CUBN: variants seen among roughly 807,000 people sequenced by gnomAD.
CUBN encodes the protein cubilin.
Under a neutral mutation model 405.3 loss-of-function variants are expected in CUBN, and 282 were observed. The ratio of observed to expected loss-of-function variants is 0.70; its 90% confidence interval spans 0.63 to 0.77. The LOEUF is 0.77. CUBN is among the 30% of genes least tolerant of loss of function. CUBN has a pLI of 0.00. For synonymous variants in CUBN, 1,684 were observed against 1,617.0 expected (o/e 1.04, Z -0.99); for missense variants, 4,514 against 4,475.2 (o/e 1.01, Z -0.25).
chr10:16,915,533 C>T (rs867918438), intron 46 of CUBN, among the ~76,000 whole-genome samples: 2 of 152,254 alleles, frequency 1.3e-5, no homozygotes, highest in African/African-American at 2.4e-5. Context: ...CCTCAAATAA[C>T]GGCATGTGGC....
intron 19 of CUBN, among the ~76,000 whole-genome samples, chr10:17,070,562 A>C (rs1835717837): frequency 6.6e-6 from 1 of 152,154 alleles, no homozygotes; most frequent in Admixed American, 6.5e-5. Flanking sequence ...ATAGTCTCAG[A>C]GGACAAGTTT....
intron 28 of CUBN, among the ~76,000 whole-genome samples, chr10:17,016,352 T>G (rs1206354012): frequency 2.0e-5 from 3 of 152,222 alleles, no homozygotes; most frequent in African/African-American, 4.8e-5. Flanking sequence ...GAAGGCTTTT[T>G]GACCAGTAGA....
At chr10:16,963,694 A>C (rs1337860889) in intron 31 of CUBN, among the ~76,000 whole-genome samples, 1 of 152,232 alleles carries the variant, frequency 6.6e-6, no homozygotes, top group African/African-American at 2.4e-5. Flanking sequence ...CTTGTGGTGC[A>C]TATATAAAAT....
intron 54 of CUBN, among the ~76,000 whole-genome samples, chr10:16,894,993 T>C (rs1005095233): frequency 2.0e-5 from 3 of 152,158 alleles, no homozygotes; most frequent in African/African-American, 4.8e-5. Context: ...GAATGGACGA[T>C]TGAGGGAGAC....
At chr10:17,021,559 TGTGA>T (rs1211259482) in intron 27 of CUBN, among the ~76,000 whole-genome samples, 7 of 152,232 alleles carry the variant, frequency 4.6e-5, no homozygotes, top group African/African-American at 1.7e-4. Context: ...TAAGAGTATG[TGTGA>T]GTGTCTGTGT....
At chr10:16,916,727 A>G (rs530138520) in intron 45 of CUBN, among the ~76,000 whole-genome samples, 1 of 152,272 alleles carries the variant, frequency 6.6e-6, no homozygotes, top group South Asian at 2.1e-4. Flanking sequence ...TGACCATATT[A>G]TAGTGAATCT....
rs1842953268 is a variant in CUBN, at chr10:16,952,750, G to A, written c.4856-361C>T. Among the ~76,000 whole-genome samples the A allele has an allele frequency of 2.0e-5, 3 of 152,206 alleles. No homozygotes were observed. In the South Asian group the frequency reaches 6.2e-4, roughly 32 times the overall value. ...CTTATAAATGACCTCTTTTTTTCAG[G>A]AAAATAAATACTCAATTGAATAAGG... On this transcript the variant is annotated intron_variant, in intron 32 of 66. Transcript: ENST00000377833.
chr10:16,874,582 C>T, intron 57 of CUBN, 79 bp from the exon 58 acceptor site: 1 of 1,546,348 alleles, frequency 6.5e-7, no homozygotes, highest in South Asian at 1.1e-5. Context: ...AGATTCTATA[C>T]TATTGTACAT....
chr10:17,109,907 A>C (rs935225043), intron 9 of CUBN, among the ~76,000 whole-genome samples, 172 bp from the exon 10 acceptor site: 1 of 152,224 alleles, frequency 6.6e-6, no homozygotes, highest in Non-Finnish European at 1.5e-5. Flanking sequence ...AATAAGAAAA[A>C]TAACAAGAAT....
chr10:17,025,988 T>C lies in CUBN; in HGVS notation c.4018-6005A>G, dbSNP rs375715824. Reference sequence around the variant, plus strand: ...CCACGGTGAGGTGGATAGAGTCCACTGGCAAGCAAAGTGGCTCTCATGCTA... The same window carrying C: ...CCACGGTGAGGTGGATAGAGTCCACCGGCAAGCAAAGTGGCTCTCATGCTA... On this transcript the variant is annotated intron_variant, in intron 27 of 66. Coordinates refer to ENST00000377833, the MANE Select transcript of CUBN (RefSeq NM_001081.4). Among the ~76,000 whole-genome samples, 61 of 152,268 alleles carry C rather than the reference T, an allele frequency of 4.0e-4. 10 individuals are homozygous for C. Among genetic ancestry groups the C allele is most frequent in the Admixed American group, 2.0e-3 (30 of 15,296 alleles).
At chr10:16,897,236 T>A (rs1023359933) in intron 54 of CUBN, among the ~76,000 whole-genome samples, 1 of 152,254 alleles carries the variant, frequency 6.6e-6, no homozygotes, top group Non-Finnish European at 1.5e-5. Flanking sequence ...ACCCAGGACA[T>A]GTCATTTATT....
rs1359892901 is a variant in CUBN, at chr10:17,126,772, C to T, written c.376G>A (p.Gly126Ser). 6.2e-7 allele frequency: 1 copy of T among 1,614,104 alleles called. No homozygotes were observed. Among genetic ancestry groups the T allele is most frequent in the South Asian group, 1.1e-5 (1 of 91,084 alleles). Reference sequence around the variant, plus strand: ...AGCATGAGACCTACCTGCTGCAAGCCTTGGAATTTTCTCTCAAGATCCACC... The same window carrying T: ...AGCATGAGACCTACCTGCTGCAAGCTTTGGAATTTTCTCTCAAGATCCACC... ...KLVDLERKFQ[G>S]LQQTVDKKVC... Residue 126 changes from glycine to serine, a missense_variant, in exon 4 of 67, where the codon GGC becomes AGC. Gly to Ser is a moderately conservative substitution (Grantham distance 56, BLOSUM62 0). Coordinates refer to ENST00000377833, the MANE Select transcript of CUBN (RefSeq NM_001081.4).
chr10:16,920,265 C>T, intron 43 of CUBN, 128 bp from the exon 44 acceptor site: 2 of 994,992 alleles, frequency 2.0e-6, no homozygotes, highest in Non-Finnish European at 1.6e-6. Context: ...TTATGATCCT[C>T]ATTTTCTTTT....
intron 17 of CUBN, among the ~76,000 whole-genome samples, chr10:17,079,426 G>T (rs900016168): frequency 6.6e-6 from 1 of 151,362 alleles, no homozygotes; most frequent in African/African-American, 2.4e-5. Flanking sequence ...TAGTAGAGAT[G>T]GGGTTTCACA....
At chr10:17,100,262 T>C in intron 13 of CUBN, 23 bp from the exon 14 acceptor site, 3 of 1,435,540 alleles carry the variant, frequency 2.1e-6, no homozygotes, top group East Asian at 4.5e-5. Context: ...AGGCCACATA[T>C]ATTATCTTTT....
chr10:16,974,429 CTTT>C (rs201061697), intron 31 of CUBN, among the ~76,000 whole-genome samples: 2,454 of 146,394 alleles, frequency 0.017, 43 homozygotes, highest in South Asian at 0.069. Context: ...ACAATTAACT[CTTT>C]TTTTTTTTTG....
intron 17 of CUBN, among the ~76,000 whole-genome samples, chr10:17,077,923 T>TA (rs1241980550): frequency 6.6e-6 from 1 of 152,202 alleles, no homozygotes; most frequent in East Asian, 1.9e-4. Flanking sequence ...GTGTCCCTTC[T>TA]AACATCTCTA....
chr10:17,034,292 T>A (rs1834848144), intron 27 of CUBN, among the ~76,000 whole-genome samples: 1 of 152,208 alleles, frequency 6.6e-6, no homozygotes, highest in South Asian at 2.1e-4. Flanking sequence ...AAAGTGAATC[T>A]GACATTTTTA....
intron 31 of CUBN, among the ~76,000 whole-genome samples, chr10:16,956,486 A>G (rs1260988248): frequency 2.0e-5 from 3 of 152,066 alleles, no homozygotes; most frequent in African/African-American, 7.2e-5. Flanking sequence ...TGTAAACAGT[A>G]GACAAAATGA....
Sources: gnomAD v4.1 joint callset for allele counts (sites outside exome capture counted in the v4.1 genomes callset) on GRCh38, gnomAD v4.1.1 for gene constraint, MANE v1.5 for transcripts, NCBI Gene and HGNC (gene_info 2026-07-23, HGNC 2026-07-21) for gene names.